Variants in LOC128462377 observed in about 807,000 individuals in gnomAD.
chr16:89,361,660 C>G, the LOC128462377 span: 1 of 152,226 alleles, frequency 6.6e-6, no homozygotes, highest in Non-Finnish European at 1.5e-5. Context: ...GACACAGGCT[C>G]AGGGAGACCT....
the LOC128462377 span, among the ~76,000 whole-genome samples, chr16:89,397,304 C>T: frequency 6.6e-6 from 1 of 152,240 alleles, no homozygotes; most frequent in African/African-American, 2.4e-5. Context: ...AGGGCAAGGC[C>T]TCTCACAAGT....
chr16:89,396,440 C>T, the LOC128462377 span, among the ~76,000 whole-genome samples: 694 of 152,286 alleles, frequency 4.6e-3, 6 homozygotes, highest in African/African-American at 0.015. Context: ...ACGCTCACAG[C>T]ACAAACACCT....
chr16:89,359,751 CAGA>C, the LOC128462377 span, among the ~76,000 whole-genome samples: 1 of 152,146 alleles, frequency 6.6e-6, no homozygotes, highest in South Asian at 2.1e-4. Context: ...CAACAGCCAG[CAGA>C]AGATGTTTGC....
chr16:89,390,690 C>A, the LOC128462377 span, among the ~76,000 whole-genome samples: 1 of 152,064 alleles, frequency 6.6e-6, no homozygotes, highest in Non-Finnish European at 1.5e-5. Context: ...CTCGGGGAAA[C>A]AGTGAGCACA....
At chr16:89,326,923 A>G in the LOC128462377 span, among the ~76,000 whole-genome samples, 1 of 152,224 alleles carries the variant, frequency 6.6e-6, no homozygotes, top group African/African-American at 2.4e-5. Context: ...GAGGTTCCAC[A>G]GACACACGAC....
chr16:89,416,199 C>A, the LOC128462377 span, among the ~76,000 whole-genome samples: 1 of 152,128 alleles, frequency 6.6e-6, no homozygotes, highest in South Asian at 2.1e-4. Flanking sequence ...GTTCTCAATC[C>A]ACTAGAGTGC....
the LOC128462377 span, among the ~76,000 whole-genome samples, chr16:89,379,579 A>G: frequency 6.6e-6 from 1 of 152,212 alleles, no homozygotes; most frequent in Non-Finnish European, 1.5e-5. Flanking sequence ...CCTGGGCTCA[A>G]GTGACACTTC....
chr16:89,390,719 C>T, the LOC128462377 span, among the ~76,000 whole-genome samples: 4 of 152,032 alleles, frequency 2.6e-5, no homozygotes, highest in East Asian at 1.9e-4. Flanking sequence ...GGCCAGCACC[C>T]GTAAGTCCTG....
chr16:89,373,943 C>G, the LOC128462377 span, among the ~76,000 whole-genome samples: 1 of 152,238 alleles, frequency 6.6e-6, no homozygotes, highest in Admixed American at 6.5e-5. Flanking sequence ...GAGTGACCAC[C>G]AAGCGGGCTG....
At chr16:89,351,578 A>G in the LOC128462377 span, among the ~76,000 whole-genome samples, 3 of 152,336 alleles carry the variant, frequency 2.0e-5, no homozygotes, top group African/African-American at 2.4e-5. Context: ...TAAGGCATGG[A>G]GACGAAGCTT....
At chr16:89,350,742 C>T in the LOC128462377 span, among the ~76,000 whole-genome samples, 1 of 152,174 alleles carries the variant, frequency 6.6e-6, no homozygotes. Context: ...ACAGTTCCAA[C>T]TGATTCCTTA....
At chr16:89,328,859 AGTGGAG>A in the LOC128462377 span, 1 of 105,686 alleles carries the variant, frequency 9.5e-6, no homozygotes, top group Non-Finnish European at 1.8e-5. Flanking sequence ...GGGCGAAATC[AGTGGAG>A]GCCCCTGCTG....
the LOC128462377 span, among the ~76,000 whole-genome samples, chr16:89,365,040 T>C: frequency 6.6e-6 from 1 of 152,232 alleles, no homozygotes; most frequent in Non-Finnish European, 1.5e-5. Context: ...TTCTGTTTTA[T>C]AGGTAACAAG....
chr16:89,406,474 C>T, the LOC128462377 span, among the ~76,000 whole-genome samples: 6 of 152,196 alleles, frequency 3.9e-5, no homozygotes, highest in Non-Finnish European at 8.8e-5. Context: ...AAAGGAGCCA[C>T]CGTGCACCGT....
the LOC128462377 span, among the ~76,000 whole-genome samples, chr16:89,335,454 T>C: frequency 6.6e-6 from 1 of 152,182 alleles, no homozygotes; most frequent in Admixed American, 6.5e-5. Flanking sequence ...GATGAGTGGG[T>C]TCCCACCTAG....
chr16:89,332,459 G>C, the LOC128462377 span, among the ~76,000 whole-genome samples: 1 of 152,190 alleles, frequency 6.6e-6, no homozygotes, highest in Non-Finnish European at 1.5e-5. Flanking sequence ...TGTACCCGCA[G>C]CTCTGGGGAG....
At chr16:89,362,454 C>T in the LOC128462377 span, among the ~76,000 whole-genome samples, 1 of 152,200 alleles carries the variant, frequency 6.6e-6, no homozygotes, top group Non-Finnish European at 1.5e-5. Context: ...AAGTGAACAG[C>T]ACTGAAGCCG....
the LOC128462377 span, among the ~76,000 whole-genome samples, chr16:89,410,613 C>T: frequency 1.3e-5 from 2 of 152,348 alleles, no homozygotes; most frequent in Non-Finnish European, 2.9e-5. Flanking sequence ...AAAGCAGTTG[C>T]TATCCTGCTG....
chr16:89,415,961 T>C, the LOC128462377 span, among the ~76,000 whole-genome samples: 6 of 152,070 alleles, frequency 3.9e-5, no homozygotes, highest in East Asian at 1.2e-3. Context: ...GGCCTCTCTG[T>C]AGCAACACTG....
Sources: gnomAD v4.1 joint callset for allele counts (sites outside exome capture counted in the v4.1 genomes callset) on GRCh38, gnomAD v4.1.1 for gene constraint, MANE v1.5 for transcripts.